Variants in CD81 observed in about 807,000 individuals in gnomAD.
The protein encoded by CD81 is CD81 molecule, also known as CD81 antigen.
In CD81, 10 loss-of-function variants were observed where a neutral mutation model predicts 30.1. The observed-to-expected ratio is 0.33, with a 90% CI of 0.21 to 0.56. The LOEUF is 0.56. Ranked by LOEUF, CD81 falls within the 20% of genes least tolerant of loss-of-function variation. The probability of loss-of-function intolerance (pLI) is 0.89; values close to 1 mark genes in which losing one functional copy is unlikely to be tolerated. For synonymous variants in CD81, 147 were observed against 126.4 expected (o/e 1.16, Z -1.10); for missense variants, 263 against 308.7 (o/e 0.85, Z 1.11).
chr11:2,391,239 A>T (rs181977000), intron 2 of CD81: 37 of 156,634 alleles, frequency 2.4e-4, no homozygotes, highest in South Asian at 5.7e-4. Context: ...CCTTGAAAGG[A>T]GGCCCCTGGG....
At position 2,395,470 on chromosome 11, in the gene CD81, G is replaced by C. The variant is rs767263004; in HGVS notation, c.409G>C (p.Asp137His). 1 of 1,612,822 alleles carries C rather than the reference G, an allele frequency of 6.2e-7. No homozygotes were observed. ...YDQALQQAVV[D>H]DDANNAKAVV... ...CCAGGCCCTACAGCAGGCCGTGGTG[G>C]ATGATGACGCCAACAACGCCAAGGC... The change falls in exon 5 of 8, where the codon GAT (aspartate) becomes CAT (histidine). Residue 137 changes from aspartate (D) to histidine (H), a missense_variant. Physicochemically the swap from Asp to His is moderately conservative, Grantham distance 81. This residue lies in a region of CD81 where 176 missense variants were observed against 192.9 expected (regional missense o/e 0.91). Coordinates refer to ENST00000263645, the MANE Select transcript of CD81 (RefSeq NM_004356.4).
At position 2,377,509 on chromosome 11, in the gene CD81, A is replaced by C; in HGVS notation, c.-41A>C. Reference sequence around the variant, plus strand: ...CGCGCCGGCCCGCCCGCCGCCCAGGACCGGCCCGCGCCCCGCAGGCCGCCC... The same window carrying C: ...CGCGCCGGCCCGCCCGCCGCCCAGGCCCGGCCCGCGCCCCGCAGGCCGCCC... On this transcript the variant is annotated 5_prime_UTR_variant, in exon 1 of 8. Transcript: ENST00000263645. This position sits in a 1 kb window ranked among gnomAD's most constrained non-coding sequence, Gnocchi z 7.7. 4.3e-6 allele frequency: 5 copies of C among 1,157,036 alleles called. No homozygotes were observed. Among genetic ancestry groups the C allele is most frequent in the Non-Finnish European group, 4.5e-6 (4 of 895,954 alleles). 71.7% of individuals were successfully genotyped at this position (1,157,036 alleles called of 1,614,324 possible). A position where few individuals can be genotyped will look rare whatever the true frequency, so the allele number is the denominator to read the frequency against.
chr11:2,381,464 C>G (rs986045704), intron 1 of CD81, among the ~76,000 whole-genome samples: 3 of 152,230 alleles, frequency 2.0e-5, no homozygotes, highest in East Asian at 3.9e-4. Flanking sequence ...CTGGTTCACC[C>G]CCAATCCCTT....
At position 2,396,208 on chromosome 11, in the gene CD81, G is replaced by A. The variant is rs924753997; in HGVS notation, c.561+238G>A. 6.8e-5 allele frequency: 41 copies of A among 599,106 alleles called. No homozygotes were observed. The Middle Eastern group carries it at 1.3e-3, about 20-fold the overall frequency. 37.1% of individuals were successfully genotyped at this position (599,106 alleles called of 1,614,324 possible). A position where few individuals can be genotyped will look rare whatever the true frequency, so the allele number is the denominator to read the frequency against. On this transcript the variant is annotated intron_variant, in intron 6 of 7. Transcript: ENST00000263645. Reference sequence around the variant, plus strand: ...AGAAGGTGGAGGCTCTGGGGGGTGGGAACTCACCTGCACCCCCAGCTCCAC... The same window carrying A: ...AGAAGGTGGAGGCTCTGGGGGGTGGAAACTCACCTGCACCCCCAGCTCCAC...
chr11:2,377,678 C>A lies in CD81; in HGVS notation c.66+63C>A. ...GGCACACACTCCACGTTGGGCAGGT[C>A]CCGCGGCAGCGTGCTAGGCCCCGCG... On this transcript the variant is annotated intron_variant, in intron 1 of 7. Transcript: ENST00000263645. This position sits in a 1 kb window ranked among gnomAD's most constrained non-coding sequence, Gnocchi z 7.7. The A allele has an allele frequency of 2.6e-6, 3 of 1,152,830 alleles. No homozygotes were observed. Among genetic ancestry groups the A allele is most frequent in the Admixed American group, 2.4e-5 (1 of 41,766 alleles). 71.4% of individuals were successfully genotyped at this position (1,152,830 alleles called of 1,614,324 possible).
At chr11:2,394,236 G>A (rs1169376440) in intron 3 of CD81, 44 bp downstream of exon 3, 1 of 1,373,406 alleles carries the variant, frequency 7.3e-7, no homozygotes, top group Non-Finnish European at 1.0e-6. Context: ...GGGAGGGGCT[G>A]GGGGCTGCGT....
In CD81 at chr11:2,386,228, C is replaced by T. The variant is rs1476540434; in HGVS notation, c.67-4184C>T. 8.6e-6 allele frequency: 6 copies of T among 699,730 alleles called. No individual in the cohort carries two copies. The Admixed American group carries it at 1.2e-4, about 14-fold the overall frequency. The allele number at this position is 699,730 out of a possible 1,614,324, so 43.3% of individuals were successfully genotyped here. On this transcript the variant is annotated intron_variant, in intron 1 of 7. Transcript: ENST00000263645. ...GGGAAGGGTCTGTTCCTGTTTTTTGCCCATCTTTCAAAGATTGGGTTGCCA... is the reference window on the plus strand; with the variant it reads ...GGGAAGGGTCTGTTCCTGTTTTTTGTCCATCTTTCAAAGATTGGGTTGCCA...
Position 2,394,106 on chromosome 11 carries a change from C to G in CD81, c.193C>G (p.Leu65Val). The G allele has an allele frequency of 1.2e-6, 2 of 1,613,010 alleles. No homozygotes were observed. The highest frequency in any genetic ancestry group is 1.7e-6 in the Non-Finnish European group (2 of 1,179,610). The part of the protein sequence containing the change: ...PNTFYVGIYI[L>V]IAVGAVMMFV... ...TCTCTCCCCGCAAGGCATCTACATC[C>G]TCATCGCTGTGGGCGCTGTCATGAT... The change falls in exon 3 of 8, where the codon CTC becomes GTC. Residue 65 changes from leucine to valine, a missense_variant. Around this residue, in one of 3 missense-constraint regions of CD81, gnomAD observed 84 missense variants for 98.2 expected, o/e 0.86. Transcript: ENST00000263645.
In CD81 at chr11:2,396,881, G is replaced by T; in HGVS notation, c.*15G>T. On this transcript the variant is annotated 3_prime_UTR_variant, in exon 8 of 8. Transcript: ENST00000263645. ...CCGTGTACTGAGGCCCCGCAGCTCTGGCCACAGGGACCTCTGCAGTGCCCC... is the reference window on the plus strand; with the variant it reads ...CCGTGTACTGAGGCCCCGCAGCTCTTGCCACAGGGACCTCTGCAGTGCCCC... 1 of 1,611,890 alleles carries T rather than the reference G, an allele frequency of 6.2e-7. No homozygotes were observed. The highest frequency in any genetic ancestry group is 8.5e-7 in the Non-Finnish European group (1 of 1,179,628).
In CD81 at chr11:2,389,266, G is replaced by A. The variant is rs78770471; in HGVS notation, c.67-1146G>A. Among the ~76,000 whole-genome samples the A allele has an allele frequency of 1.0e-3, 157 of 152,312 alleles. 3 individuals carry two copies. The East Asian group carries it at 0.026, about 25-fold the overall frequency. ...AGGGGTGCTGAAGTGGAGGAGGATA[G>A]AGGCAGCAGGACTCAGGGTCACTGG... On this transcript the variant is annotated intron_variant, in intron 1 of 7. Transcript: ENST00000263645.
intron 2 of CD81, chr11:2,391,039 G>T (rs1849890519): frequency 2.0e-5 from 5 of 249,690 alleles, no homozygotes; most frequent in Non-Finnish European, 4.0e-5. Flanking sequence ...GGCTGCGTGT[G>T]GGGGACTGGG....
chr11:2,386,204 G>A, intron 1 of CD81: 1 of 715,072 alleles, frequency 1.4e-6, no homozygotes, highest in East Asian at 2.7e-5. Flanking sequence ...GATCTTGCGG[G>A]GAAGGGTCTG....
chr11:2,394,078 GTC>G lies in CD81; in HGVS notation c.182-10_182-9del, dbSNP rs748805462. On this transcript the variant is annotated splice_polypyrimidine_tract_variant and intron_variant, in intron 2 of 7. Coordinates refer to ENST00000263645, the MANE Select transcript of CD81 (RefSeq NM_004356.4). ...GCGAGTGTGTAGGCACCCACCTGGT[GTC>G]TCTCTCCCCGCAAGGCATCTACATC... 8.6e-5 allele frequency: 138 copies of G among 1,601,426 alleles called. No individual in the cohort carries two copies. The highest frequency in any genetic ancestry group is 1.1e-4 in the Non-Finnish European group (125 of 1,169,490).
In CD81 at chr11:2,396,975, G is replaced by T; in HGVS notation, c.*109G>T. On this transcript the variant is annotated 3_prime_UTR_variant, in exon 8 of 8. Coordinates refer to ENST00000263645, the MANE Select transcript of CD81 (RefSeq NM_004356.4). ...TATATAACGTTTCCGGTATTACTCT[G>T]CTACACGTAGCCTTTTTACTTTTGG... is the stretch of plus-strand genomic sequence containing the variant. 7 of 1,011,918 alleles carry T rather than the reference G, an allele frequency of 6.9e-6. No homozygotes were observed. The highest frequency in any genetic ancestry group is 1.1e-5 in the Non-Finnish European group (7 of 660,620). The allele number at this position is 1,011,918 out of a possible 1,614,324, so 62.7% of individuals were successfully genotyped here.
At chr11:2,391,816 C>T (rs1849906067) in intron 2 of CD81, 1 of 152,246 alleles carries the variant, frequency 6.6e-6, no homozygotes, top group Non-Finnish European at 1.5e-5. Context: ...CTCAGAAGCA[C>T]TCGGCTTAGC....
At chr11:2,386,028 C>T (rs369270067) in intron 1 of CD81, 5 of 716,804 alleles carry the variant, frequency 7.0e-6, no homozygotes, top group East Asian at 5.4e-5. Flanking sequence ...TTACAGCCCC[C>T]GTTGTATGCG....
chr11:2,387,417 GC>G (rs1849816901), intron 1 of CD81, among the ~76,000 whole-genome samples: 1 of 152,210 alleles, frequency 6.6e-6, no homozygotes, highest in African/African-American at 2.4e-5. Flanking sequence ...GTTTTCAAAG[GC>G]CCTGGAGGAA....
In CD81 at chr11:2,393,735, G is replaced by A; in HGVS notation, c.182-360G>A. 6.6e-6 allele frequency: 4 copies of A among 601,930 alleles called. No homozygotes were observed. In the East Asian group the frequency reaches 1.1e-4, roughly 17 times the overall value. The allele number at this position is 601,930 out of a possible 1,614,324, so 37.3% of individuals were successfully genotyped here. A position where few individuals can be genotyped will look rare whatever the true frequency, so the allele number is the denominator to read the frequency against. ...CCAGAGGCTTTGGGAGCGGGTGAAGGCGGTGGGTGGCGGGTGGCAGGTGCA... is the reference window on the plus strand; with the variant it reads ...CCAGAGGCTTTGGGAGCGGGTGAAGACGGTGGGTGGCGGGTGGCAGGTGCA... On this transcript the variant is annotated intron_variant, in intron 2 of 7. Coordinates refer to ENST00000263645, the MANE Select transcript of CD81 (RefSeq NM_004356.4).
intron 1 of CD81, among the ~76,000 whole-genome samples, chr11:2,383,166 C>T (rs570389148): frequency 7.2e-5 from 11 of 152,340 alleles, no homozygotes; most frequent in African/African-American, 2.6e-4. Flanking sequence ...GGGCCAGGGG[C>T]CCTGTGAGTG....
Sources: allele counts gnomAD v4.1 joint callset (sites outside exome capture counted in the v4.1 genomes callset), GRCh38; gene constraint gnomAD v4.1.1; regional missense constraint gnomAD v4.1.1; non-coding constraint Gnocchi (gnomAD v3.1); transcripts MANE v1.5; gene names NCBI Gene and HGNC (gene_info 2026-07-23, HGNC 2026-07-21).